HNRNPH1: variants seen among roughly 807,000 people sequenced by gnomAD.
HNRNPH1 encodes heterogeneous nuclear ribonucleoprotein H1.
HNRNPH1 carries 4 observed loss-of-function variants against 58.6 expected under a neutral mutation model. That is an observed-to-expected ratio of 0.07 (90% confidence interval 0.03 to 0.16). The LOEUF is 0.16. HNRNPH1 is among the 10% of genes least tolerant of loss of function. HNRNPH1 has a pLI of 1.00. For synonymous variants in HNRNPH1, 192 were observed against 189.2 expected (o/e 1.01, Z -0.12); for missense variants, 271 against 564.2 (o/e 0.48, Z 5.26).
upstream of HNRNPH1, among the ~76,000 whole-genome samples, chr5:179,627,129 G>A (rs1298492213): frequency 6.6e-6 from 1 of 152,140 alleles, no homozygotes; most frequent in East Asian, 1.9e-4. Context: ...TATTAAGGCT[G>A]TTAGCCCTTA....
chr5:179,614,314 T>C (rs1183341802), exon 13 of HNRNPH1: 2 of 152,134 alleles, frequency 1.3e-5, no homozygotes, highest in African/African-American at 2.4e-5. Flanking sequence ...ATCCTAAGTA[T>C]TGGTATTGCG....
chr5:179,630,817 A>G lies in HNRNPH1; in HGVS notation c.-32+3248T>C, dbSNP rs1581772717. 3.3e-5 allele frequency among the ~76,000 whole-genome samples: 5 copies of G among 151,530 alleles called. No individual in the cohort carries two copies. The South Asian group carries it at 1.1e-3, about 32-fold the overall frequency. On this transcript the variant is annotated intron_variant, in intron 2 of 4. Coordinates refer to the HNRNPH1 transcript ENST00000521116. ...TCCCAGCTACTCAGGAGGCTGAGGC[A>G]GGAGAATGGCGTGAACCCGGGAGGC...
At chr5:179,620,660 T>C in intron 3 of HNRNPH1, 2 of 466,138 alleles carry the variant, frequency 4.3e-6, no homozygotes, top group Non-Finnish European at 7.7e-6. Flanking sequence ...CAATGAAAGA[T>C]CTACTCTGAA....
chr5:179,631,182 T>G (rs140612204), intron 2 of HNRNPH1, among the ~76,000 whole-genome samples: 13,159 of 152,104 alleles, frequency 0.087, 641 homozygotes, highest in Middle Eastern at 0.12. Flanking sequence ...GTTTGTTGCC[T>G]TCCAAAGGGC....
chr5:179,616,285 TG>T, intron 10 of HNRNPH1, 67 bp from the exon 12 acceptor site: 2 of 1,192,614 alleles, frequency 1.7e-6, no homozygotes, highest in Non-Finnish European at 2.5e-6. Context: ...GTACCGGGCT[TG>T]TAATTCTATA....
intron 3 of HNRNPH1, chr5:179,620,594 G>C: frequency 3.4e-6 from 1 of 290,152 alleles, no homozygotes; most frequent in Non-Finnish European, 6.6e-6. Flanking sequence ...TTTAACTTGA[G>C]GTACTTAGCT....
chr5:179,626,099 G>C (rs965520172), upstream of HNRNPH1, among the ~76,000 whole-genome samples: 8 of 149,350 alleles, frequency 5.4e-5, no homozygotes, highest in African/African-American at 2.0e-4. Flanking sequence ...GGCAATGAAA[G>C]GTTTTTTTGT....
At chr5:179,620,455 G>C (rs1771805218) in intron 3 of HNRNPH1, among the ~76,000 whole-genome samples, 1 of 152,218 alleles carries the variant, frequency 6.6e-6, no homozygotes, top group Non-Finnish European at 1.5e-5. Context: ...TTGCATTAAA[G>C]AGAATTAGAC....
At chr5:179,623,443 C>T (rs995280792) in exon 1 of HNRNPH1, 1 of 226,074 alleles carries the variant, frequency 4.4e-6, no homozygotes, top group African/African-American at 2.3e-5. Context: ...ACTTCTCACA[C>T]AATAGAGTCG....
exon 7 of HNRNPH1, chr5:179,617,801 T>C (rs1453492052): frequency 1.2e-6 from 2 of 1,613,802 alleles, no homozygotes; most frequent in East Asian, 2.2e-5. Flanking sequence ...ACACTTACAT[T>C]ATAAATGTCA....
At chr5:179,614,541 A>AT (rs1325777938) in exon 13 of HNRNPH1, 2 of 195,458 alleles carry the variant, frequency 1.0e-5, no homozygotes, top group African/African-American at 4.6e-5. Flanking sequence ...AACATTTAAC[A>AT]TAATTCAACT....
chr5:179,632,914 G>A (rs545979119), intron 2 of HNRNPH1, among the ~76,000 whole-genome samples: 139 of 132,582 alleles, frequency 1.0e-3, no homozygotes, highest in African/African-American at 3.9e-3. Flanking sequence ...CTGGAGTGCA[G>A]TGGCGCGATC....
intron 3 of HNRNPH1, 129 bp from the exon 5 acceptor site, chr5:179,619,536 G>C: frequency 1.4e-6 from 1 of 721,192 alleles, no homozygotes; most frequent in South Asian, 2.1e-5. Context: ...CTTTCAACAA[G>C]TACTCTTTAA....
upstream of HNRNPH1, among the ~76,000 whole-genome samples, chr5:179,625,901 T>C (rs1774347635): frequency 1.3e-5 from 2 of 151,586 alleles, no homozygotes; most frequent in Admixed American, 1.3e-4. Flanking sequence ...CCTGAGTAGG[T>C]AGGACCACAG....
At chr5:179,621,081 C>G (rs1363808340) in intron 2 of HNRNPH1, 46 bp from the exon 4 acceptor site, 1 of 1,598,068 alleles carries the variant, frequency 6.3e-7, no homozygotes, top group African/African-American at 1.3e-5. Context: ...AATTAGATAA[C>G]AAAGTTCAGA....
Position 179,621,226 on chromosome 5 carries a change from G to T in HNRNPH1, c.253+16C>A. On this transcript the variant is annotated intron_variant, in intron 2 of 12. Transcript: ENST00000356731. ...TAATGCTTTATTTACTGTAACTAGG[G>T]CAATGTAAATCAAACCTTCAACATA... The T allele has an allele frequency of 6.2e-7, 1 of 1,608,232 alleles. No individual in the cohort carries two copies. Among genetic ancestry groups the T allele is most frequent in the Non-Finnish European group, 8.5e-7 (1 of 1,174,864 alleles).
chr5:179,621,452 T>C (rs1772259875), intron 1 of HNRNPH1, 55 bp from the exon 3 acceptor site: 1 of 1,467,870 alleles, frequency 6.8e-7, no homozygotes, highest in Non-Finnish European at 9.5e-7. Context: ...CACCTCTGGG[T>C]GACACAGATG....
At chr5:179,626,671 G>A (rs1233364513), upstream of HNRNPH1, among the ~76,000 whole-genome samples, 1 of 147,032 alleles carries the variant, frequency 6.8e-6, no homozygotes, top group Non-Finnish European at 1.5e-5. Flanking sequence ...AGCAGAGATT[G>A]CACCACTGCA....
chr5:179,622,192 A>G (rs566219521), intron 1 of HNRNPH1, among the ~76,000 whole-genome samples: 1 of 152,124 alleles, frequency 6.6e-6, no homozygotes, highest in Non-Finnish European at 1.5e-5. Flanking sequence ...TAAGAACTAG[A>G]TAAGAAAACA....
Sources: gnomAD v4.1 joint callset for allele counts (sites outside exome capture counted in the v4.1 genomes callset) on GRCh38, gnomAD v4.1.1 for gene constraint, MANE v1.5 for transcripts, NCBI Gene and HGNC (gene_info 2026-07-23, HGNC 2026-07-21) for gene names.